SORBS2: variants seen among roughly 807,000 people sequenced by gnomAD.
SORBS2 encodes sorbin and SH3 domain-containing protein 2.
Under a neutral mutation model 97.7 loss-of-function variants are expected in SORBS2, and 46 were observed. The observed-to-expected ratio is 0.47, with a 90% CI of 0.37 to 0.60. The LOEUF is 0.60. Ranked by LOEUF, SORBS2 falls within the 20% of genes least tolerant of loss-of-function variation. SORBS2 has a pLI of 0.00. For missense variants in SORBS2, 1,316 were observed against 1,282.3 expected, an observed-to-expected ratio of 1.03 and a Z score of -0.40; for synonymous variants, 476 against 473.4, an observed-to-expected ratio of 1.01 and a Z score of -0.07.
intron 1 of SORBS2, among the ~76,000 whole-genome samples, chr4:185,862,062 G>A (rs531674405): frequency 1.3e-5 from 2 of 152,298 alleles, no homozygotes; most frequent in East Asian, 1.9e-4. Context: ...AGCAACTACC[G>A]GAGTAGAGAG....
At position 185,704,722 on chromosome 4, in the gene SORBS2, A is replaced by AGTGGCGTG. The variant is rs1212257377; in HGVS notation, c.-197-25901_-197-25900insCACGCCAC. Among the ~76,000 whole-genome samples, 267 of 152,204 alleles carry AGTGGCGTG rather than the reference A, an allele frequency of 1.8e-3. 2 individuals are homozygous for AGTGGCGTG. The highest frequency in any genetic ancestry group is 6.2e-3 in the African/African-American group (255 of 41,450). On this transcript the variant is annotated intron_variant, in intron 2 of 20. Coordinates refer to the SORBS2 transcript ENST00000284776. ...CTCCCTCAACTCTCCATGTTTTGAG[A>AGTGGCGTG]AATAAGACAAGAAACATTCAGCTCT... is the stretch of plus-strand genomic sequence containing the variant.
intron 9 of SORBS2, among the ~76,000 whole-genome samples, chr4:185,616,036 C>T (rs1466058372): frequency 2.0e-5 from 3 of 152,168 alleles, no homozygotes; most frequent in Non-Finnish European, 2.9e-5. Context: ...ATTTTGCCTC[C>T]GCAATTATTC....
At chr4:185,599,838 G>T (rs1303664379) in intron 12 of SORBS2, among the ~76,000 whole-genome samples, 1 of 152,208 alleles carries the variant, frequency 6.6e-6, no homozygotes, top group Non-Finnish European at 1.5e-5. Flanking sequence ...GGTGTCTCCA[G>T]CCTCACTTTA....
intron 1 of SORBS2, among the ~76,000 whole-genome samples, chr4:185,791,477 A>G (rs2099079827): frequency 6.6e-6 from 1 of 152,148 alleles, no homozygotes; most frequent in African/African-American, 2.4e-5. Context: ...AGAAAAGTGA[A>G]TGATGGAATA....
In SORBS2 at chr4:185,760,940, T is replaced by C. The variant is rs151153769; in HGVS notation, c.-198+14287A>G. On this transcript the variant is annotated intron_variant, in intron 2 of 20. Transcript: ENST00000284776. ...GCAGAAAACATTTCATTTTAAATGA[T>C]TGCTATTTCAGTTACATAATAAAAG... Among the ~76,000 whole-genome samples the C allele has an allele frequency of 1.8e-4, 27 of 152,330 alleles. No homozygotes were observed. The East Asian group carries it at 4.8e-3, about 27-fold the overall frequency.
chr4:185,711,168 C>G (rs960066754), intron 2 of SORBS2, among the ~76,000 whole-genome samples: 1 of 151,234 alleles, frequency 6.6e-6, no homozygotes. Context: ...GAGCTGGGGT[C>G]TTGCCTTGTT....
intron 1 of SORBS2, among the ~76,000 whole-genome samples, chr4:185,853,126 C>G (rs1435852876): frequency 1.3e-5 from 2 of 152,134 alleles, no homozygotes; most frequent in African/African-American, 4.8e-5. Context: ...GAGCTGGCTT[C>G]TCAGTGCCAT....
intron 4 of SORBS2, among the ~76,000 whole-genome samples, chr4:185,677,882 A>G (rs370494931): frequency 1.3e-5 from 2 of 152,322 alleles, no homozygotes; most frequent in African/African-American, 2.4e-5. Flanking sequence ...CAGAGAATAC[A>G]TTATAACATT....
intron 4 of SORBS2, among the ~76,000 whole-genome samples, chr4:185,675,626 A>G (rs974665466): frequency 6.6e-6 from 1 of 152,190 alleles, no homozygotes; most frequent in Non-Finnish European, 1.5e-5. Flanking sequence ...GGACAGTAGT[A>G]ATACCTACTC....
chr4:185,860,097 A>G (rs1340929822), intron 1 of SORBS2, among the ~76,000 whole-genome samples: 2 of 152,314 alleles, frequency 1.3e-5, no homozygotes, highest in East Asian at 3.9e-4. Context: ...GTTCCAGAAA[A>G]CTTTCCACTA....
intron 1 of SORBS2, among the ~76,000 whole-genome samples, chr4:185,914,713 G>A (rs546247174): frequency 4.6e-5 from 7 of 152,138 alleles, no homozygotes; most frequent in Admixed American, 6.6e-5. Context: ...ACCAATTGAC[G>A]TTTACAAATA....
rs74333458 is a variant in SORBS2, at chr4:185,950,912, G to A, written c.-338+5284C>T. On this transcript the variant is annotated intron_variant, in intron 1 of 20. Transcript: ENST00000284776. ...CAGATGGTTCCAGAGGATGCTGAAC[G>A]TTCACTGAATGAACCCCTATAAGTA... is the stretch of plus-strand genomic sequence containing the variant. Among the ~76,000 whole-genome samples, 1,326 of 152,258 alleles carry A rather than the reference G, an allele frequency of 8.7e-3. 8 individuals are homozygous for A. Among genetic ancestry groups the A allele is most frequent in the Non-Finnish European group, 0.012 (815 of 68,014 alleles).
chr4:185,767,424 C>T (rs1346931894), intron 2 of SORBS2, among the ~76,000 whole-genome samples: 4 of 136,054 alleles, frequency 2.9e-5, no homozygotes, highest in South Asian at 5.1e-4. Flanking sequence ...GGCGTGAACC[C>T]GGGAGGCGGA....
chr4:185,951,922 T>C (rs1323089982), intron 1 of SORBS2, among the ~76,000 whole-genome samples: 1 of 152,166 alleles, frequency 6.6e-6, no homozygotes, highest in Non-Finnish European at 1.5e-5. Flanking sequence ...GAAGCCCAAC[T>C]CTATTCTTTT....
chr4:185,837,664 G>A (rs553253252), intron 1 of SORBS2, among the ~76,000 whole-genome samples: 12 of 152,046 alleles, frequency 7.9e-5, no homozygotes, highest in South Asian at 2.1e-4. Flanking sequence ...CAGTGAGGTC[G>A]TTTCATACAA....
intron 1 of SORBS2, among the ~76,000 whole-genome samples, chr4:185,820,662 G>A (rs765946229): frequency 2.0e-5 from 3 of 152,208 alleles, no homozygotes; most frequent in African/African-American, 7.2e-5. Context: ...CGTCTCAGCC[G>A]ACACACAGGG....
chr4:185,632,417 A>ACACTAGCTAGTTTGC (rs2096922812), intron 4 of SORBS2, among the ~76,000 whole-genome samples: 1 of 152,214 alleles, frequency 6.6e-6, no homozygotes, highest in South Asian at 2.1e-4. Context: ...TGCTAGTCTG[A>ACACTAGCTAGTTTGC]TATGTGTACA....
chr4:185,656,557 G>T, intron 1 of SORBS2: 1 of 1,290,436 alleles, frequency 7.7e-7, no homozygotes, highest in Non-Finnish European at 1.1e-6. Flanking sequence ...GCTTTACATG[G>T]GTCTTGCTGC....
intron 1 of SORBS2, among the ~76,000 whole-genome samples, chr4:185,656,391 C>T (rs931340140): frequency 6.6e-6 from 1 of 151,700 alleles, no homozygotes; most frequent in African/African-American, 2.4e-5. Flanking sequence ...GAAGAAAATC[C>T]CCACACTTTA....
Sources: gnomAD v4.1 joint callset for allele counts (sites outside exome capture counted in the v4.1 genomes callset) on GRCh38, gnomAD v4.1.1 for gene constraint, MANE v1.5 for transcripts, NCBI Gene and HGNC (gene_info 2026-07-23, HGNC 2026-07-21) for gene names.